Variants in SLC6A6 observed in about 807,000 individuals in gnomAD.
The protein encoded by SLC6A6 is solute carrier family 6 member 6.
Under a neutral mutation model 68.8 loss-of-function variants are expected in SLC6A6, and 16 were observed. The ratio of observed to expected loss-of-function variants is 0.23; its 90% CI spans 0.16 to 0.35. SLC6A6 has a LOEUF of 0.35. Ranked by LOEUF, SLC6A6 falls within the 10% of genes least tolerant of loss-of-function variation. The pLI is 1.00. For missense variants in SLC6A6, 474 were observed against 802.8 expected (o/e 0.59, Z 4.95); for synonymous variants, 312 against 315.4 (o/e 0.99, Z 0.12).
chr3:14,439,717 C>T lies in SLC6A6; in HGVS notation c.-11-3907C>T, dbSNP rs114150766. On this transcript the variant is annotated intron_variant, in intron 2 of 14. Transcript: ENST00000622186. ...GCAGGGACGCCTGTGGAGGAGGACT[C>T]GCTCCTGAGTACTCACTGCGCAGCG... is the stretch of plus-strand genomic sequence containing the variant. Among the ~76,000 whole-genome samples the T allele has an allele frequency of 7.8e-3, 1,192 of 152,280 alleles. 12 individuals are homozygous for T. The highest frequency in any genetic ancestry group is 0.027 in the African/African-American group (1,113 of 41,560).
At chr3:14,465,053 A>T (rs1390195682) in intron 6 of SLC6A6, among the ~76,000 whole-genome samples, 1 of 152,202 alleles carries the variant, frequency 6.6e-6, no homozygotes, top group African/African-American at 2.4e-5. Flanking sequence ...CCTGGGGGGC[A>T]TGGTGAGGAT....
At chr3:14,409,184 C>T (rs1699179662) in intron 1 of SLC6A6, among the ~76,000 whole-genome samples, 1 of 152,168 alleles carries the variant, frequency 6.6e-6, no homozygotes, top group East Asian at 1.9e-4. Context: ...AATAGCAGGC[C>T]ATGTGGACTG....
At chr3:14,476,868 A>G (rs1286031397) in intron 10 of SLC6A6, among the ~76,000 whole-genome samples, 1 of 152,222 alleles carries the variant, frequency 6.6e-6, no homozygotes, top group Admixed American at 6.5e-5. Flanking sequence ...TCAGAGGCGC[A>G]GTTGTTCTCA....
At chr3:14,415,973 C>G (rs1031940726) in intron 1 of SLC6A6, among the ~76,000 whole-genome samples, 1 of 152,160 alleles carries the variant, frequency 6.6e-6, no homozygotes, top group Admixed American at 6.5e-5. Flanking sequence ...TGTGGAACAG[C>G]TTACCCATTT....
chr3:14,465,305 CA>C (rs1423116801), intron 6 of SLC6A6, among the ~76,000 whole-genome samples: 1 of 152,226 alleles, frequency 6.6e-6, no homozygotes, highest in African/African-American at 2.4e-5. Flanking sequence ...TTCTAGTCCC[CA>C]CCTCACACCT....
At chr3:14,476,653 C>G (rs1700885331) in intron 10 of SLC6A6, among the ~76,000 whole-genome samples, 1 of 152,236 alleles carries the variant, frequency 6.6e-6, no homozygotes, top group Non-Finnish European at 1.5e-5. Context: ...CTTCCCCTGA[C>G]CTGCCAAGCA....
chr3:14,462,903 G>A (rs983239030), intron 6 of SLC6A6, among the ~76,000 whole-genome samples: 5 of 152,078 alleles, frequency 3.3e-5, no homozygotes, highest in Admixed American at 3.3e-4. Context: ...CTCTTTGTCC[G>A]GCACCTGTGA....
intron 1 of SLC6A6, among the ~76,000 whole-genome samples, chr3:14,405,361 G>A (rs754900141): frequency 6.6e-6 from 1 of 152,230 alleles, no homozygotes; most frequent in Non-Finnish European, 1.5e-5. Flanking sequence ...CCGCCTGTCA[G>A]TTTGTCAAAG....
At chr3:14,440,370 G>A (rs1699954480) in intron 2 of SLC6A6, among the ~76,000 whole-genome samples, 1 of 152,074 alleles carries the variant, frequency 6.6e-6, no homozygotes. Flanking sequence ...AGCCAGTGGG[G>A]AAGGTTCAGA....
At chr3:14,466,802 C>A in intron 7 of SLC6A6, 152 bp downstream of exon 7, 3 of 635,826 alleles carry the variant, frequency 4.7e-6, no homozygotes, top group Non-Finnish European at 4.9e-6. Context: ...TACTTTTCCA[C>A]CGGGCCTGTG....
chr3:14,462,781 G>A (rs893988087), intron 6 of SLC6A6, among the ~76,000 whole-genome samples: 1 of 152,150 alleles, frequency 6.6e-6, no homozygotes, highest in Non-Finnish European at 1.5e-5. Context: ...CAGCAAATCT[G>A]CATTTTCCAT....
chr3:14,478,698 T>G, intron 12 of SLC6A6, 130 bp downstream of exon 12: 3 of 689,184 alleles, frequency 4.4e-6, no homozygotes. Context: ...CTACCTAGAC[T>G]ACACAAATAA....
Position 14,484,938 on chromosome 3 carries a change from C to A in SLC6A6, c.1794C>A (p.Tyr598Ter), listed in dbSNP as rs1701108238. Residue 598 changes from tyrosine (Y) to a stop codon, truncating the protein, a stop_gained, in exon 15 of 15, where the codon TAC (tyrosine) becomes TAA (stop). Coordinates refer to ENST00000622186, the MANE Select transcript of SLC6A6 (RefSeq NM_003043.6). LOFTEE classifies it high-confidence loss of function. ...WAVEREGATP[Y>*]NSRTVMNGAL... ...TGGAGCGCGAGGGAGCCACACCTTA[C>A]AACTCTCGCACCGTCATGAACGGCG... The A allele has an allele frequency of 6.2e-7, 1 of 1,612,818 alleles. No homozygotes were observed. Among genetic ancestry groups the A allele is most frequent in the Admixed American group, 1.7e-5 (1 of 60,002 alleles).
At chr3:14,418,002 G>A (rs1404824756) in intron 2 of SLC6A6, among the ~76,000 whole-genome samples, 2 of 152,124 alleles carry the variant, frequency 1.3e-5, no homozygotes, top group African/African-American at 4.8e-5. Context: ...AATCCTCAGC[G>A]TTCATTAAAT....
intron 12 of SLC6A6, 58 bp from the exon 13 acceptor site, chr3:14,479,027 T>G: frequency 1.8e-6 from 2 of 1,106,640 alleles, no homozygotes; most frequent in Non-Finnish European, 2.8e-6. Flanking sequence ...TCATGGCCCC[T>G]GAGCTGCTGC....
At chr3:14,479,250 G>T in intron 13 of SLC6A6, 65 bp downstream of exon 13, 1 of 978,082 alleles carries the variant, frequency 1.0e-6, no homozygotes, top group Non-Finnish European at 1.7e-6. Context: ...ATTTTCACCC[G>T]CTAAACCATC....
In SLC6A6 at chr3:14,477,112, G is replaced by T; in HGVS notation, c.1210-93G>T. 8.4e-7 allele frequency: 1 copy of T among 1,191,172 alleles called. No individual in the cohort carries two copies. Among genetic ancestry groups the T allele is most frequent in the Admixed American group, 1.8e-5 (1 of 54,472 alleles). 73.8% of individuals were successfully genotyped at this position (1,191,172 alleles called of 1,614,324 possible). ...CACAAGGATGGTCACGTCTGCTCCT[G>T]CATTGTGTGTTCCTGGGCCCTTCCC... On this transcript the variant is annotated intron_variant, in intron 10 of 14. Coordinates refer to ENST00000622186, the MANE Select transcript of SLC6A6 (RefSeq NM_003043.6). This position sits in a 1 kb window ranked among gnomAD's most constrained non-coding sequence, Gnocchi z 4.2.
intron 2 of SLC6A6, 83 bp downstream of exon 2, chr3:14,416,536 G>A: frequency 2.5e-6 from 1 of 398,310 alleles, no homozygotes; most frequent in Non-Finnish European, 4.4e-6. Context: ...GGAGCTCCGT[G>A]TCTCCCCCAG....
chr3:14,447,557 CTCATCT>C lies in SLC6A6; in HGVS notation c.365-24_365-19del. 1.2e-6 allele frequency: 2 copies of C among 1,613,042 alleles called. No homozygotes were observed. Among genetic ancestry groups the C allele is most frequent in the South Asian group, 2.2e-5 (2 of 90,984 alleles). ...GGGTCTGGCCTCCCTCAGATGTTTACTCATCTCATTTGCCCAACCTGCAGGTATCGG... is the reference window on the plus strand; with the variant it reads ...GGGTCTGGCCTCCCTCAGATGTTTACCATTTGCCCAACCTGCAGGTATCGG... On this transcript the variant is annotated intron_variant, in intron 4 of 14. Transcript: ENST00000622186.
Sources: gnomAD v4.1 joint callset for allele counts (sites outside exome capture counted in the v4.1 genomes callset) on GRCh38, gnomAD v4.1.1 for gene constraint, Gnocchi (gnomAD v3.1) non-coding constraint, MANE v1.5 for transcripts, NCBI Gene and HGNC (gene_info 2026-07-23, HGNC 2026-07-21) for gene names.